The following NBEAL1 variants were observed in gnomAD, a reference collection of about 807,000 sequenced individuals.
NBEAL1 encodes neurobeachin like 1.
In NBEAL1, 273 loss-of-function variants were observed where a neutral mutation model predicts 351.3. The observed-to-expected ratio is 0.78, with a 90% CI of 0.70 to 0.86. The LOEUF (loss-of-function observed/expected upper bound fraction) is 0.86. Ranked by LOEUF, NBEAL1 falls within the 40% of genes least tolerant of loss-of-function variation. The probability of loss-of-function intolerance (pLI) is 0.00; values close to 1 mark genes in which losing one functional copy is unlikely to be tolerated. For synonymous variants in NBEAL1, 1,050 were observed against 1,086.4 expected (o/e 0.97, Z 0.66); for missense variants, 2,961 against 3,201.3 (o/e 0.92, Z 1.81).
chr2:203,150,541 GT>G (rs1004458301), intron 34 of NBEAL1, among the ~76,000 whole-genome samples: 2 of 151,880 alleles, frequency 1.3e-5, no homozygotes, highest in African/African-American at 4.8e-5. Flanking sequence ...ATACAGGAAA[GT>G]TTTTAATTTT....
chr2:203,190,647 G>C, intron 46 of NBEAL1: 1 of 1,073,890 alleles, frequency 9.3e-7, no homozygotes, highest in Non-Finnish European at 1.3e-6. Flanking sequence ...GCCCAAAAAG[G>C]CACTTGCTTT....
chr2:203,090,672 T>C (rs1289841045), intron 10 of NBEAL1, among the ~76,000 whole-genome samples: 1 of 152,142 alleles, frequency 6.6e-6, no homozygotes, highest in African/African-American at 2.4e-5. Context: ...GCAGATCACT[T>C]GAGTTCAGGA....
chr2:203,188,623 C>T (rs766404288), intron 45 of NBEAL1, 34 bp downstream of exon 45: 22 of 1,226,924 alleles, frequency 1.8e-5, no homozygotes, highest in Non-Finnish European at 2.1e-5. Flanking sequence ...CTTGCTTTAC[C>T]TTGATAGAAA....
chr2:203,032,102 A>G (rs1468512920), intron 2 of NBEAL1, among the ~76,000 whole-genome samples: 1 of 152,200 alleles, frequency 6.6e-6, no homozygotes, highest in African/African-American at 2.4e-5. Context: ...CTTGTAAAGA[A>G]TAGAAGGCTC....
chr2:203,179,207 A>T (rs1195502385), intron 42 of NBEAL1, among the ~76,000 whole-genome samples: 1 of 152,246 alleles, frequency 6.6e-6, no homozygotes, highest in Non-Finnish European at 1.5e-5. Flanking sequence ...AACAGAAGGG[A>T]TTTATACTGT....
intron 19 of NBEAL1, among the ~76,000 whole-genome samples, chr2:203,124,208 C>T (rs141755809): frequency 1.3e-5 from 2 of 152,250 alleles, no homozygotes; most frequent in African/African-American, 4.8e-5. Context: ...TGGCACATGC[C>T]TGTAGTCTCA....
chr2:203,047,068 G>A (rs1314172421), intron 3 of NBEAL1, among the ~76,000 whole-genome samples: 4 of 151,926 alleles, frequency 2.6e-5, no homozygotes, highest in African/African-American at 7.3e-5. Flanking sequence ...GAGAAAACCC[G>A]TCTCTACTAA....
intron 7 of NBEAL1, among the ~76,000 whole-genome samples, chr2:203,070,814 A>G (rs1488060580): frequency 6.6e-6 from 1 of 152,164 alleles, no homozygotes; most frequent in Non-Finnish European, 1.5e-5. Flanking sequence ...TGCATGAAGG[A>G]TCCGCCCCTA....
chr2:203,202,588 A>G, intron 50 of NBEAL1, 99 bp from the exon 51 acceptor site: 2 of 727,126 alleles, frequency 2.8e-6, no homozygotes, highest in Non-Finnish European at 5.0e-6. Flanking sequence ...TGTTGGCATA[A>G]CTGATTTAGG....
At chr2:203,055,880 G>A (rs769417058) in intron 4 of NBEAL1, among the ~76,000 whole-genome samples, 4 of 152,296 alleles carry the variant, frequency 2.6e-5, no homozygotes, top group East Asian at 3.9e-4. Context: ...ATATGATACT[G>A]TGCCGTCTTA....
intron 7 of NBEAL1, among the ~76,000 whole-genome samples, chr2:203,073,707 C>G (rs910045371): frequency 1.6e-4 from 24 of 151,996 alleles, no homozygotes; most frequent in Admixed American, 1.6e-3. Context: ...ATTGATTTTC[C>G]TCTATTGTTT....
At chr2:203,115,836 G>A (rs2062683248) in intron 17 of NBEAL1, 149 bp from the exon 18 acceptor site, 1 of 553,018 alleles carries the variant, frequency 1.8e-6, no homozygotes, top group East Asian at 3.0e-5. Flanking sequence ...ACTGGAATAT[G>A]GAAACAAAGT....
chr2:203,115,995 T>C lies in NBEAL1; in HGVS notation c.2517T>C (p.Cys839=), dbSNP rs1227722403. 1 of 1,552,462 alleles carries C rather than the reference T, an allele frequency of 6.4e-7. No homozygotes were observed. The highest frequency in any genetic ancestry group is 2.0e-5 in the Admixed American group (1 of 51,004). Residue 839 remains cysteine (C), a synonymous_variant, in exon 18 of 56, where the codon TGT becomes TGC. Coordinates refer to ENST00000683969, the MANE Select transcript of NBEAL1 (RefSeq NM_001378026.1). The stretch of plus-strand genomic sequence containing the variant: ...GTAAATAATTTTCAGGTCCAAATTG[T>C]TTAAGCCCTTGGAAGTGTCAAGAGT... ...VKALYLAGPN[C]LSPWKCQESD... is the part of the protein sequence containing the mutation.
chr2:203,040,308 G>A, intron 2 of NBEAL1: 1 of 751,118 alleles, frequency 1.3e-6, no homozygotes, highest in South Asian at 1.4e-5. Flanking sequence ...GTGACAAGGT[G>A]CATCTCAGAC....
At position 203,209,294 on chromosome 2, in the gene NBEAL1, C is replaced by G; in HGVS notation, c.7757C>G (p.Ser2586Cys). ...ISWEGHIVVY[S>C]STEEKTTLKD... ...TGGGAAGGACATATTGTTGTCTACT[C>G]CAGCACTGAAGAAAAGACCACCCTC... Residue 2586 changes from serine (S) to cysteine (C), a missense_variant, in exon 53 of 56, where the codon TCC (serine) becomes TGC (cysteine). Transcript: ENST00000683969. The G allele has an allele frequency of 6.2e-7, 1 of 1,613,838 alleles. No homozygotes were observed. The highest frequency in any genetic ancestry group is 8.5e-7 in the Non-Finnish European group (1 of 1,179,820).
At chr2:203,172,324 G>A (rs62182248) in intron 40 of NBEAL1, among the ~76,000 whole-genome samples, 67,175 of 151,746 alleles carry the variant, frequency 0.44, 17,050 homozygotes, top group Middle Eastern at 0.67. Flanking sequence ...AGTTTGAGAC[G>A]AGCCTAGTCA....
chr2:203,210,997 T>A lies in NBEAL1; in HGVS notation c.7825T>A (p.Tyr2609Asn). The stretch of plus-strand genomic sequence containing the variant: ...ACATCTGTTTTCTATAAATGGCAAG[T>A]ATCTAGGGTCTCAAATCCTGAAGGA... The part of the protein sequence containing the change: ...ALHLFSINGK[Y>N]LGSQILKEQV... The change falls in exon 54 of 56, where the codon TAT (tyrosine) becomes AAT (asparagine). Residue 2609 changes from tyrosine to asparagine, a missense_variant. Physicochemically the swap from Tyr to Asn is moderately radical, Grantham distance 143. Transcript: ENST00000683969. 6.2e-7 allele frequency: 1 copy of A among 1,600,750 alleles called. No individual in the cohort carries two copies. Among genetic ancestry groups the A allele is most frequent in the South Asian group, 1.1e-5 (1 of 88,612 alleles).
chr2:203,064,012 G>A (rs150581552), intron 6 of NBEAL1, among the ~76,000 whole-genome samples: 7 of 152,182 alleles, frequency 4.6e-5, no homozygotes, highest in African/African-American at 1.7e-4. Context: ...TTAAACCTAG[G>A]GGGAAGTTTT....
chr2:203,204,263 C>T (rs1419278958), intron 51 of NBEAL1, among the ~76,000 whole-genome samples: 3 of 149,992 alleles, frequency 2.0e-5, no homozygotes, highest in Admixed American at 6.6e-5. Flanking sequence ...AAAACAACTC[C>T]ATTTTAGTCT....
Sources: gnomAD v4.1 joint callset for allele counts (sites outside exome capture counted in the v4.1 genomes callset) on GRCh38, gnomAD v4.1.1 for gene constraint, MANE v1.5 for transcripts, NCBI Gene and HGNC (gene_info 2026-07-23, HGNC 2026-07-21) for gene names.